The following NOL4 variants were observed in gnomAD, a reference collection of about 807,000 sequenced individuals.
The protein encoded by NOL4 is cancer/testis antigen 125.
In NOL4, 17 loss-of-function variants were observed where a neutral mutation model predicts 75.9. That is an observed-to-expected ratio of 0.22 (90% CI 0.15 to 0.34). The LOEUF is 0.34. Ranked by LOEUF, NOL4 falls within the 10% of genes least tolerant of loss-of-function variation. NOL4 has a pLI of 1.00. For synonymous variants in NOL4, 292 were observed against 289.9 expected (o/e 1.01, Z -0.07); for missense variants, 614 against 793.5 (o/e 0.77, Z 2.72).
chr18:33,869,186 CTATAAA>C (rs1000338904), intron 10 of NOL4, among the ~76,000 whole-genome samples: 5 of 151,574 alleles, frequency 3.3e-5, no homozygotes, highest in Non-Finnish European at 2.9e-5. Flanking sequence ...ATATAGAATA[CTATAAA>C]TATAAGTTCA....
chr18:34,080,252 C>T (rs867983494), intron 5 of NOL4, among the ~76,000 whole-genome samples: 24 of 152,292 alleles, frequency 1.6e-4, no homozygotes, highest in Non-Finnish European at 3.2e-4. Context: ...TCTCATAAGA[C>T]TCCTCTTCCA....
At chr18:34,041,006 G>GA (rs534823253) in intron 5 of NOL4, among the ~76,000 whole-genome samples, 13 of 151,860 alleles carry the variant, frequency 8.6e-5, no homozygotes, top group Non-Finnish European at 7.4e-5. Context: ...ATTCTAGGAT[G>GA]AAAAAACGTA....
At chr18:33,922,865 A>G (rs1321489063) in intron 9 of NOL4, among the ~76,000 whole-genome samples, 3 of 152,196 alleles carry the variant, frequency 2.0e-5, no homozygotes, top group Non-Finnish European at 2.9e-5. Context: ...CATAAACCAA[A>G]TGTACTTTTG....
At chr18:33,871,037 T>G (rs1349706923) in intron 10 of NOL4, among the ~76,000 whole-genome samples, 11 of 152,098 alleles carry the variant, frequency 7.2e-5, no homozygotes, top group Admixed American at 6.6e-4. Context: ...CATTCAAATG[T>G]ATCTACTTCC....
At chr18:33,892,163 G>A (rs924992507) in intron 9 of NOL4, among the ~76,000 whole-genome samples, 5 of 152,060 alleles carry the variant, frequency 3.3e-5, no homozygotes, top group African/African-American at 7.2e-5. Flanking sequence ...AGTTGCAGTC[G>A]CTCATGCCTG....
intron 10 of NOL4, among the ~76,000 whole-genome samples, chr18:33,867,065 T>G (rs1443188184): frequency 3.3e-5 from 5 of 152,172 alleles, no homozygotes; most frequent in Non-Finnish European, 5.9e-5. Flanking sequence ...ACTTCATTTC[T>G]CCTGTTTCAA....
At chr18:34,183,044 A>G (rs1403781090) in intron 1 of NOL4, among the ~76,000 whole-genome samples, 5 of 151,842 alleles carry the variant, frequency 3.3e-5, no homozygotes, top group Non-Finnish European at 7.4e-5. Flanking sequence ...TGAAAGAAAA[A>G]TTGATAAATT....
At chr18:33,873,525 C>CTT in intron 10 of NOL4, among the ~76,000 whole-genome samples, 1 of 151,910 alleles carries the variant, frequency 6.6e-6, no homozygotes, top group Admixed American at 6.6e-5. Flanking sequence ...GAAACATTTC[C>CTT]CTTCTTCCAA....
At chr18:34,103,446 G>A (rs2079131889) in intron 4 of NOL4, among the ~76,000 whole-genome samples, 2 of 151,942 alleles carry the variant, frequency 1.3e-5, no homozygotes, top group South Asian at 4.1e-4. Context: ...TATACATGCA[G>A]CATGTTGCTA....
intron 1 of NOL4, among the ~76,000 whole-genome samples, chr18:34,164,251 T>G (rs1191902858): frequency 6.6e-6 from 1 of 151,792 alleles, no homozygotes; most frequent in Non-Finnish European, 1.5e-5. Flanking sequence ...GGGATCTAAT[T>G]AAACACAAGA....
chr18:34,096,714 G>C lies in NOL4; in HGVS notation c.640-3117C>G, dbSNP rs567082399. Among the ~76,000 whole-genome samples the C allele has an allele frequency of 9.9e-5, 15 of 152,222 alleles. No homozygotes were observed. The East Asian group carries it at 2.9e-3, about 29-fold the overall frequency. On this transcript the variant is annotated intron_variant, in intron 4 of 10. Coordinates refer to ENST00000261592, the MANE Select transcript of NOL4 (RefSeq NM_003787.5). ...TGACTAAAATCTCATGATAATGAAA[G>C]TCATGGCCAGAGACCATAGTAATTC...
chr18:34,079,621 G>A (rs2077907673), intron 5 of NOL4, among the ~76,000 whole-genome samples: 1 of 151,104 alleles, frequency 6.6e-6, no homozygotes, highest in Non-Finnish European at 1.5e-5. Context: ...ACAATATCCA[G>A]TATGCTTTTC....
intron 9 of NOL4, among the ~76,000 whole-genome samples, chr18:33,934,310 C>G (rs1192977929): frequency 6.6e-6 from 1 of 152,030 alleles, no homozygotes; most frequent in African/African-American, 2.4e-5. Context: ...CTAGGATCTT[C>G]AGAATGGTAA....
intron 5 of NOL4, among the ~76,000 whole-genome samples, chr18:34,054,526 C>A (rs2076753728): frequency 6.6e-6 from 1 of 151,836 alleles, no homozygotes; most frequent in Non-Finnish European, 1.5e-5. Context: ...AGCACCTCTG[C>A]TCTTTTTTAG....
intron 9 of NOL4, among the ~76,000 whole-genome samples, chr18:33,902,241 T>C (rs1267271516): frequency 6.6e-6 from 1 of 152,144 alleles, no homozygotes; most frequent in African/African-American, 2.4e-5. Context: ...GGCATTGGTT[T>C]GCTCCTAATA....
intron 2 of NOL4, among the ~76,000 whole-genome samples, chr18:34,107,309 T>C (rs1370974683): frequency 6.6e-6 from 1 of 152,186 alleles, no homozygotes; most frequent in Non-Finnish European, 1.5e-5. Context: ...AATGTTTGTG[T>C]TCATGTATAC....
chr18:34,136,607 G>C (rs958611069), intron 1 of NOL4, among the ~76,000 whole-genome samples: 4 of 151,806 alleles, frequency 2.6e-5, no homozygotes, highest in Non-Finnish European at 5.9e-5. Context: ...AAAATACTTA[G>C]GAATAATTTA....
intron 1 of NOL4, among the ~76,000 whole-genome samples, chr18:34,143,678 C>A (rs910129418): frequency 2.0e-5 from 3 of 151,730 alleles, no homozygotes; most frequent in Non-Finnish European, 4.4e-5. Flanking sequence ...ACCAGCCTGG[C>A]CAACATGGAA....
chr18:34,179,159 C>T (rs969047198), intron 1 of NOL4, among the ~76,000 whole-genome samples: 17 of 151,324 alleles, frequency 1.1e-4, no homozygotes, highest in Non-Finnish European at 1.6e-4. Flanking sequence ...AAAAACACAA[C>T]GTATCAAAAC....
Sources: allele counts gnomAD v4.1 joint callset (sites outside exome capture counted in the v4.1 genomes callset), GRCh38; gene constraint gnomAD v4.1.1; transcripts MANE v1.5; gene names NCBI Gene and HGNC (gene_info 2026-07-23, HGNC 2026-07-21).